Variants in EFCAB6 observed in about 807,000 individuals in gnomAD.
The protein encoded by EFCAB6 is EF-hand calcium binding domain 6, also known as EF-hand calcium-binding domain-containing protein 6.
In EFCAB6, 156 loss-of-function variants were observed where a neutral mutation model predicts 169.8. The ratio of observed to expected loss-of-function variants is 0.92; its 90% confidence interval spans 0.81 to 1.05. The LOEUF (loss-of-function observed/expected upper bound fraction) is 1.05. EFCAB6 is among the 50% of genes least tolerant of loss of function. EFCAB6 has a pLI of 0.00. For missense variants in EFCAB6, 1,800 were observed against 1,829.1 expected (o/e 0.98, Z 0.29); for synonymous variants, 698 against 676.4 (o/e 1.03, Z -0.50).
At chr22:43,787,642 G>C (rs1469684963) in intron 2 of EFCAB6, among the ~76,000 whole-genome samples, 1 of 152,170 alleles carries the variant, frequency 6.6e-6, no homozygotes, top group African/African-American at 2.4e-5. Flanking sequence ...TCATGGATAA[G>C]ATGGCAATAC....
chr22:43,653,109 T>C (rs978308825), intron 17 of EFCAB6, among the ~76,000 whole-genome samples: 1 of 152,124 alleles, frequency 6.6e-6, no homozygotes, highest in African/African-American at 2.4e-5. Flanking sequence ...TGTGGGATCC[T>C]GGAAAGGAGT....
intron 9 of EFCAB6, among the ~76,000 whole-genome samples, chr22:43,715,230 C>T (rs947303996): frequency 3.3e-5 from 5 of 152,268 alleles, no homozygotes; most frequent in Admixed American, 6.5e-5. Flanking sequence ...TTAGTGTCTC[C>T]ACTTTCCCTT....
intron 4 of EFCAB6, among the ~76,000 whole-genome samples, chr22:43,767,171 T>C (rs1166506316): frequency 2.6e-5 from 4 of 152,202 alleles, no homozygotes; most frequent in African/African-American, 4.8e-5. Flanking sequence ...AAATCTGTTA[T>C]TTACTAAGCC....
At chr22:43,558,988 T>C (rs1177547485) in intron 26 of EFCAB6, among the ~76,000 whole-genome samples, 1 of 152,086 alleles carries the variant, frequency 6.6e-6, no homozygotes, top group Non-Finnish European at 1.5e-5. Flanking sequence ...CCAAAAGCAA[T>C]TGCAACAAAA....
At chr22:43,656,643 T>C (rs1283778428) in intron 17 of EFCAB6, among the ~76,000 whole-genome samples, 1 of 152,244 alleles carries the variant, frequency 6.6e-6, no homozygotes, top group East Asian at 1.9e-4. Context: ...TATAATACCA[T>C]GCTGTACAGA....
At chr22:43,582,254 AT>A (rs1475034255) in intron 24 of EFCAB6, among the ~76,000 whole-genome samples, 4 of 152,162 alleles carry the variant, frequency 2.6e-5, no homozygotes, top group Non-Finnish European at 5.9e-5. Context: ...TCAGCTGGAA[AT>A]AGATTCAGTG....
In EFCAB6 at chr22:43,800,304, G is replaced by A. The variant is rs74738269; in HGVS notation, c.-8+8691C>T. 6.1e-3 allele frequency among the ~76,000 whole-genome samples: 929 copies of A among 152,242 alleles called. 7 individuals are homozygous for A. Among genetic ancestry groups the A allele is most frequent in the African/African-American group, 0.021 (865 of 41,542 alleles). ...AGCTCAAGGTACCAACAACTACAGC[G>A]GAAAAGGAGGCAGCAACCTAGCAGT... On this transcript the variant is annotated intron_variant, in intron 2 of 31. Transcript: ENST00000262726.
At chr22:43,676,020 C>T (rs2057740814) in intron 13 of EFCAB6, among the ~76,000 whole-genome samples, 2 of 151,838 alleles carry the variant, frequency 1.3e-5, no homozygotes, top group Admixed American at 1.3e-4. Flanking sequence ...TCTTAGATAC[C>T]ACTGAAAATC....
intron 5 of EFCAB6, among the ~76,000 whole-genome samples, chr22:43,761,048 G>T (rs993415076): frequency 1.3e-5 from 2 of 152,190 alleles, no homozygotes; most frequent in African/African-American, 4.8e-5. Context: ...GGTCACAGGA[G>T]CCTGGGATTA....
chr22:43,604,311 G>C (rs1569233453), intron 22 of EFCAB6, among the ~76,000 whole-genome samples: 1 of 152,146 alleles, frequency 6.6e-6, no homozygotes, highest in Non-Finnish European at 1.5e-5. Context: ...CAGAAGATCA[G>C]ACACCATCTG....
chr22:43,548,789 A>C (rs2048223866), intron 27 of EFCAB6, among the ~76,000 whole-genome samples: 1 of 152,094 alleles, frequency 6.6e-6, no homozygotes, highest in Admixed American at 6.6e-5. Context: ...GGCATAAATA[A>C]CAAGCTTTTA....
chr22:43,665,109 C>T (rs901518262), intron 17 of EFCAB6, among the ~76,000 whole-genome samples: 5 of 152,288 alleles, frequency 3.3e-5, no homozygotes, highest in African/African-American at 1.2e-4. Flanking sequence ...AGGTTGTTGT[C>T]TTTGACTGAG....
intron 5 of EFCAB6, 128 bp downstream of exon 5, chr22:43,765,177 T>C: frequency 1.6e-6 from 1 of 619,478 alleles, no homozygotes. Flanking sequence ...AAATTCCATA[T>C]GGACAAGTTC....
intron 24 of EFCAB6, among the ~76,000 whole-genome samples, chr22:43,583,775 A>G (rs2050880502): frequency 6.6e-6 from 1 of 152,200 alleles, no homozygotes; most frequent in African/African-American, 2.4e-5. Flanking sequence ...AGCAGATATT[A>G]AATCTGCTGG....
chr22:43,696,550 T>C (rs1378872375), intron 10 of EFCAB6, among the ~76,000 whole-genome samples: 1 of 152,162 alleles, frequency 6.6e-6, no homozygotes, highest in Non-Finnish European at 1.5e-5. Flanking sequence ...CCCATGCATG[T>C]GTCTATCAAC....
intron 26 of EFCAB6, among the ~76,000 whole-genome samples, chr22:43,571,179 A>C (rs1041725316): frequency 6.6e-6 from 1 of 152,206 alleles, no homozygotes; most frequent in Admixed American, 6.5e-5. Flanking sequence ...TGGCATACCC[A>C]ATATAAGAAA....
chr22:43,670,803 C>A (rs2057455945), intron 15 of EFCAB6, among the ~76,000 whole-genome samples: 1 of 152,208 alleles, frequency 6.6e-6, no homozygotes, highest in Non-Finnish European at 1.5e-5. Flanking sequence ...AGTCCAGGGG[C>A]AAGAGAGGGC....
Position 43,764,392 on chromosome 22 carries a change from G to A in EFCAB6, c.440+913C>T, listed in dbSNP as rs148270158. Among the ~76,000 whole-genome samples, 1,353 of 152,272 alleles carry A rather than the reference G, an allele frequency of 8.9e-3. 19 individuals are homozygous for A. The highest frequency in any genetic ancestry group is 0.032 in the African/African-American group (1,309 of 41,542). On this transcript the variant is annotated intron_variant, in intron 5 of 31. Coordinates refer to ENST00000262726, the MANE Select transcript of EFCAB6 (RefSeq NM_022785.4). Reference sequence around the variant, plus strand: ...TTTCATTCTTTTTAATGGCTGCATAGTATTCCATGGTGTATATGTACCACA... The same window carrying A: ...TTTCATTCTTTTTAATGGCTGCATAATATTCCATGGTGTATATGTACCACA...
Position 43,665,823 on chromosome 22 carries a change from T to G in EFCAB6, c.1983+1281A>C, listed in dbSNP as rs563130507. Reference sequence around the variant, plus strand: ...TTCTTTTTGAGACTGAGTCTTGCTCTGTCACCCAGGCTGGAGTGCAGTGGC... The same window carrying G: ...TTCTTTTTGAGACTGAGTCTTGCTCGGTCACCCAGGCTGGAGTGCAGTGGC... On this transcript the variant is annotated intron_variant, in intron 17 of 31. Transcript: ENST00000262726. Among the ~76,000 whole-genome samples, 6 of 152,366 alleles carry G rather than the reference T, an allele frequency of 3.9e-5. No homozygotes were observed. The South Asian group carries it at 1.0e-3, about 26-fold the overall frequency.
Sources: gnomAD v4.1 joint callset for allele counts (sites outside exome capture counted in the v4.1 genomes callset) on GRCh38, gnomAD v4.1.1 for gene constraint, MANE v1.5 for transcripts, NCBI Gene and HGNC (gene_info 2026-07-23, HGNC 2026-07-21) for gene names.